The following SPAG17 variants were observed in gnomAD, a reference collection of about 807,000 sequenced individuals.
SPAG17 encodes sperm-associated antigen 17.
Under a neutral mutation model 273.6 loss-of-function variants are expected in SPAG17, and 169 were observed. The ratio of observed to expected loss-of-function variants is 0.62; its 90% CI spans 0.55 to 0.70. SPAG17 has a LOEUF of 0.70. SPAG17 is among the 30% of genes least tolerant of loss of function. The pLI is 0.00. For synonymous variants in SPAG17, 825 were observed against 873.2 expected, an observed-to-expected ratio of 0.94 and a Z score of 0.97; for missense variants, 2,557 against 2,627.8, an observed-to-expected ratio of 0.97 and a Z score of 0.59.
intron 20 of SPAG17, among the ~76,000 whole-genome samples, chr1:118,047,526 C>A (rs1313627871): frequency 6.6e-6 from 1 of 152,074 alleles, no homozygotes; most frequent in East Asian, 1.9e-4. Flanking sequence ...CTCCCCATGG[C>A]CCCAGGCTTC....
chr1:118,113,964 G>GT (rs1479178023), intron 4 of SPAG17, among the ~76,000 whole-genome samples: 1 of 152,044 alleles, frequency 6.6e-6, no homozygotes, highest in Non-Finnish European at 1.5e-5. Flanking sequence ...CATAATAAGT[G>GT]GTAAACAAGT....
At chr1:118,165,285 C>T (rs895151062) in intron 1 of SPAG17, among the ~76,000 whole-genome samples, 3 of 152,070 alleles carry the variant, frequency 2.0e-5, no homozygotes, top group East Asian at 3.9e-4. Context: ...GATGCCGAAA[C>T]TTCTGGTGCA....
At chr1:117,980,242 C>CT (rs1557861564) in intron 43 of SPAG17, among the ~76,000 whole-genome samples, 1 of 151,646 alleles carries the variant, frequency 6.6e-6, no homozygotes, top group South Asian at 2.1e-4. Flanking sequence ...CTTTTCTTTT[C>CT]TTTTTTTGGG....
rs766992115 is a variant in SPAG17, at chr1:118,016,009, T to C, written c.4243A>G (p.Thr1415Ala). The change falls in exon 29 of 49, where the codon ACC (threonine) becomes GCC (alanine). Residue 1415 changes from threonine to alanine, a missense_variant. Coordinates refer to ENST00000336338, the MANE Select transcript of SPAG17 (RefSeq NM_206996.4). The part of the protein sequence containing the change: ...TKGLERIADL[T>A]PLLSFQATDP... Reference sequence around the variant, plus strand: ...GTGGCCTGAAAGGATAACAATGGGGTCAAGTCTGCTATTCTTTCTAATCCT... The same window carrying C: ...GTGGCCTGAAAGGATAACAATGGGGCCAAGTCTGCTATTCTTTCTAATCCT... 8.1e-6 allele frequency: 13 copies of C among 1,614,022 alleles called. No individual in the cohort carries two copies. Among genetic ancestry groups the C allele is most frequent in the African/African-American group, 4.0e-5 (3 of 75,036 alleles).
Position 118,151,218 on chromosome 1 carries a change from G to A in SPAG17, c.228+11C>T, listed in dbSNP as rs772209594. The A allele has an allele frequency of 1.3e-6, 2 of 1,529,642 alleles. No homozygotes were observed. The highest frequency in any genetic ancestry group is 1.8e-5 in the Admixed American group (1 of 54,990). The allele number at this position is 1,529,642 out of a possible 1,614,324, so 94.8% of individuals were successfully genotyped here. A position where few individuals can be genotyped will look rare whatever the true frequency, so the allele number is the denominator to read the frequency against. On this transcript the variant is annotated intron_variant, in intron 2 of 48. Transcript: ENST00000336338. The stretch of plus-strand genomic sequence containing the variant: ...TCTTCAGGTGGCTTTGAGGTAGGAA[G>A]GGACAGGTACCTGCTGGAGAATGTC...
intron 41 of SPAG17, among the ~76,000 whole-genome samples, chr1:117,984,160 G>A (rs185908146): frequency 3.9e-4 from 60 of 152,172 alleles, no homozygotes; most frequent in Non-Finnish European, 7.1e-4. Flanking sequence ...GAAAATATTC[G>A]CTTTGCTTCA....
intron 3 of SPAG17, among the ~76,000 whole-genome samples, chr1:118,127,394 C>T (rs1657795907): frequency 6.6e-6 from 1 of 152,148 alleles, no homozygotes; most frequent in African/African-American, 2.4e-5. Context: ...GTAGACACTT[C>T]ACATGGTGAA....
chr1:118,072,108 T>G (rs1289244870), intron 17 of SPAG17, among the ~76,000 whole-genome samples: 1 of 152,184 alleles, frequency 6.6e-6, no homozygotes, highest in Non-Finnish European at 1.5e-5. Flanking sequence ...GGAATCAGAA[T>G]TGTATTTATT....
Position 117,996,395 on chromosome 1 carries a change from G to A in SPAG17, c.5028C>T (p.Leu1676=). The A allele has an allele frequency of 6.2e-7, 1 of 1,612,600 alleles. No individual in the cohort carries two copies. The highest frequency in any genetic ancestry group is 1.3e-5 in the African/African-American group (1 of 74,940). The change falls in exon 34 of 49, where the codon CTC becomes CTT. Residue 1676 remains leucine, a synonymous_variant. Transcript: ENST00000336338. ...CTGGCTGTTCCTGCACTGGCTCTTG[G>A]AGAACAACAGTATTTGATTCTTTAT... is the stretch of plus-strand genomic sequence containing the variant. ...LAYKESNTVV[L]QEPVQEQPGT...
chr1:117,984,613 A>G, intron 41 of SPAG17, 70 bp downstream of exon 41: 1 of 971,502 alleles, frequency 1.0e-6, no homozygotes, highest in Non-Finnish European at 1.6e-6. Flanking sequence ...GACAGATTAC[A>G]TAATAACATA....
At position 118,018,893 on chromosome 1, in the gene SPAG17, G is replaced by A. The variant is rs149360097; in HGVS notation, c.4070-2711C>T. Among the ~76,000 whole-genome samples the A allele has an allele frequency of 4.2e-3, 640 of 151,756 alleles. 5 individuals carry two copies. The highest frequency in any genetic ancestry group is 6.8e-3 in the Middle Eastern group (2 of 294). On this transcript the variant is annotated intron_variant, in intron 28 of 48. Coordinates refer to ENST00000336338, the MANE Select transcript of SPAG17 (RefSeq NM_206996.4). ...AGAAAATATTTGGTATATAATAAAC[G>A]GACTAAAACATCTAAAGACAAGTCC... is the stretch of plus-strand genomic sequence containing the variant.
chr1:117,981,457 C>T, intron 42 of SPAG17, 56 bp from the exon 43 acceptor site: 1 of 1,519,904 alleles, frequency 6.6e-7, no homozygotes, highest in Non-Finnish European at 8.8e-7. Context: ...GATATAATGA[C>T]TACTAATGTT....
intron 3 of SPAG17, among the ~76,000 whole-genome samples, chr1:118,142,125 T>C (rs1194755481): frequency 6.6e-6 from 1 of 152,056 alleles, no homozygotes; most frequent in African/African-American, 2.4e-5. Context: ...ATGTGGTATA[T>C]ACATATTGGA....
chr1:117,974,017 A>G lies in SPAG17; in HGVS notation c.6005-456T>C, dbSNP rs367808071. 2.9e-4 allele frequency among the ~76,000 whole-genome samples: 44 copies of G among 152,346 alleles called. 1 individual carries two copies. The East Asian group carries it at 7.5e-3, about 26-fold the overall frequency. ...TGATTTCATTCTTTTTTATGGCTAC[A>G]TAGTATTTCATGGTGTACACGTACT... On this transcript the variant is annotated intron_variant, in intron 43 of 48. Transcript: ENST00000336338.
intron 3 of SPAG17, among the ~76,000 whole-genome samples, chr1:118,146,854 A>G (rs1229205127): frequency 6.6e-6 from 1 of 152,152 alleles, no homozygotes; most frequent in Non-Finnish European, 1.5e-5. Flanking sequence ...TTCCTTTTAG[A>G]ATTGTGATGT....
chr1:118,065,379 A>G (rs988521755), intron 18 of SPAG17, among the ~76,000 whole-genome samples: 7 of 152,182 alleles, frequency 4.6e-5, no homozygotes, highest in African/African-American at 1.7e-4. Context: ...AAAGGAACAT[A>G]TACCTTAATT....
chr1:117,974,209 T>C (rs1654886557), intron 43 of SPAG17, among the ~76,000 whole-genome samples: 1 of 152,186 alleles, frequency 6.6e-6, no homozygotes, highest in Non-Finnish European at 1.5e-5. Flanking sequence ...GGTCAAATTG[T>C]AGTTCTATTT....
At chr1:118,151,997 C>A (rs1404888034) in intron 1 of SPAG17, among the ~76,000 whole-genome samples, 1 of 152,030 alleles carries the variant, frequency 6.6e-6, no homozygotes, top group African/African-American at 2.4e-5. Context: ...GTACTTTTTT[C>A]TCTTTGTTTA....
intron 1 of SPAG17, among the ~76,000 whole-genome samples, chr1:118,154,352 G>C (rs1321506128): frequency 6.6e-6 from 1 of 152,184 alleles, no homozygotes; most frequent in Non-Finnish European, 1.5e-5. Context: ...ACAGGGACCA[G>C]TCAGACAATA....
Sources: gnomAD v4.1 joint callset for allele counts (sites outside exome capture counted in the v4.1 genomes callset) on GRCh38, gnomAD v4.1.1 for gene constraint, MANE v1.5 for transcripts, NCBI Gene and HGNC (gene_info 2026-07-23, HGNC 2026-07-21) for gene names.